The following PDE3A variants were observed in gnomAD, a reference collection of about 807,000 sequenced individuals.
PDE3A encodes phosphodiesterase 3A, also known as cGMP-inhibited 3',5'-cyclic phosphodiesterase 3A.
A neutral mutation model predicts 98.3 loss-of-function variants in PDE3A; 43 were observed. The observed-to-expected ratio is 0.44, with a 90% CI of 0.34 to 0.56. The LOEUF is 0.56. PDE3A is among the 20% of genes least tolerant of loss of function. The probability of loss-of-function intolerance (pLI) is 0.01; values close to 1 mark genes in which losing one functional copy is unlikely to be tolerated. For synonymous variants in PDE3A, 663 were observed against 567.9 expected, an observed-to-expected ratio of 1.17 and a Z score of -2.38; for missense variants, 1,427 against 1,440.7, an observed-to-expected ratio of 0.99 and a Z score of 0.15.
At chr12:20,432,345 T>C (rs1369545463) in intron 1 of PDE3A, among the ~76,000 whole-genome samples, 2 of 152,256 alleles carry the variant, frequency 1.3e-5, no homozygotes, top group African/African-American at 4.8e-5. Context: ...GTATACAGTT[T>C]TGGTTATGCA....
chr12:20,497,142 T>C (rs1020304206), intron 1 of PDE3A, among the ~76,000 whole-genome samples: 1 of 152,142 alleles, frequency 6.6e-6, no homozygotes, highest in African/African-American at 2.4e-5. Context: ...AGTTGTGCTC[T>C]AAAGAGGATG....
At chr12:20,551,567 A>G in intron 1 of PDE3A, 2 of 1,508,360 alleles carry the variant, frequency 1.3e-6, no homozygotes, top group Non-Finnish European at 1.8e-6. Flanking sequence ...GCGACCCCCG[A>G]GCGGGTCTGC....
At chr12:20,510,082 T>C (rs1348784061) in intron 1 of PDE3A, among the ~76,000 whole-genome samples, 2 of 152,036 alleles carry the variant, frequency 1.3e-5, no homozygotes, top group African/African-American at 4.8e-5. Flanking sequence ...ATGGTAGACA[T>C]TATTTCATTT....
At chr12:20,465,333 A>G (rs1031368102) in intron 1 of PDE3A, among the ~76,000 whole-genome samples, 22 of 151,886 alleles carry the variant, frequency 1.4e-4, no homozygotes, top group African/African-American at 5.3e-4. Context: ...TTTTCTACCA[A>G]CTCCCCAAGC....
chr12:20,450,045 A>G (rs1945037126), intron 1 of PDE3A: 3 of 627,134 alleles, frequency 4.8e-6, no homozygotes, highest in South Asian at 3.8e-5. Context: ...TCATTCCACA[A>G]TTGCATATTT....
At chr12:20,627,859 C>G (rs999128025) in intron 5 of PDE3A, among the ~76,000 whole-genome samples, 3 of 152,164 alleles carry the variant, frequency 2.0e-5, no homozygotes, top group Non-Finnish European at 4.4e-5. Context: ...CCTCGGTAAA[C>G]TTTCTACCAC....
At chr12:20,650,133 T>C (rs1024186470) in intron 13 of PDE3A, among the ~76,000 whole-genome samples, 1 of 152,202 alleles carries the variant, frequency 6.6e-6, no homozygotes, top group African/African-American at 2.4e-5. Context: ...CATTTATCCA[T>C]TGTGTTACAA....
intron 1 of PDE3A, among the ~76,000 whole-genome samples, chr12:20,546,141 A>T (rs549520970): frequency 6.6e-6 from 1 of 152,162 alleles, no homozygotes; most frequent in Admixed American, 6.5e-5. Flanking sequence ...AAAATTATGC[A>T]GGTGGGTAAG....
intron 2 of PDE3A, among the ~76,000 whole-genome samples, chr12:20,583,265 A>C (rs1006615099): frequency 1.3e-5 from 2 of 152,214 alleles, no homozygotes; most frequent in African/African-American, 4.8e-5. Context: ...ATTTTATTTT[A>C]AAAACTTTAT....
At chr12:20,533,732 C>A (rs868747006) in intron 1 of PDE3A, among the ~76,000 whole-genome samples, 2 of 150,586 alleles carry the variant, frequency 1.3e-5, no homozygotes, top group East Asian at 2.0e-4. Flanking sequence ...CGCCCCGCCC[C>A]CCTTTGGACT....
intron 1 of PDE3A, among the ~76,000 whole-genome samples, chr12:20,548,345 C>T (rs1942110979): frequency 6.6e-6 from 1 of 151,998 alleles, no homozygotes; most frequent in South Asian, 2.1e-4. Context: ...CTATATATCC[C>T]CAGACCTTCT....
chr12:20,533,606 C>T (rs1021459042), intron 1 of PDE3A, among the ~76,000 whole-genome samples: 6 of 151,696 alleles, frequency 4.0e-5, no homozygotes, highest in African/African-American at 9.7e-5. Flanking sequence ...CTCAGCCTCC[C>T]GAGTAGCTGG....
chr12:20,633,889 G>A (rs1944440270), intron 7 of PDE3A, 111 bp downstream of exon 7: 2 of 605,266 alleles, frequency 3.3e-6, no homozygotes, highest in South Asian at 2.1e-5. Flanking sequence ...GCTGGGAGAC[G>A]GGGTCTCATG....
intron 2 of PDE3A, among the ~76,000 whole-genome samples, chr12:20,563,025 G>A (rs1195037510): frequency 6.6e-6 from 1 of 152,144 alleles, no homozygotes; most frequent in Non-Finnish European, 1.5e-5. Flanking sequence ...ACAAGTCCTG[G>A]AGGCAACAAA....
chr12:20,542,042 T>C (rs1205589818), intron 1 of PDE3A, among the ~76,000 whole-genome samples: 3 of 152,086 alleles, frequency 2.0e-5, no homozygotes, highest in African/African-American at 7.2e-5. Flanking sequence ...CTAGTATATA[T>C]TGTAGTCCGT....
chr12:20,589,477 TAGA>T (rs1188803757), intron 2 of PDE3A, among the ~76,000 whole-genome samples: 1 of 152,028 alleles, frequency 6.6e-6, no homozygotes, highest in Non-Finnish European at 1.5e-5. Flanking sequence ...CTAACAGAAG[TAGA>T]AGGTTTGCTG....
At chr12:20,554,847 A>T (rs1371194891) in intron 1 of PDE3A, among the ~76,000 whole-genome samples, 1 of 152,212 alleles carries the variant, frequency 6.6e-6, no homozygotes, top group Non-Finnish European at 1.5e-5. Context: ...CATCAAATAC[A>T]AAATATTTTT....
chr12:20,521,374 G>A (rs1358019354), intron 1 of PDE3A, among the ~76,000 whole-genome samples: 2 of 152,088 alleles, frequency 1.3e-5, no homozygotes, highest in African/African-American at 4.8e-5. Context: ...CTTAGATGTT[G>A]GGAGTGTAAT....
chr12:20,507,680 T>C (rs1372924399), intron 1 of PDE3A, among the ~76,000 whole-genome samples: 2 of 152,170 alleles, frequency 1.3e-5, no homozygotes, highest in East Asian at 3.9e-4. Context: ...AACCTTCCGC[T>C]TACTCTGTCA....
Sources: allele counts gnomAD v4.1 joint callset (sites outside exome capture counted in the v4.1 genomes callset), GRCh38; gene constraint gnomAD v4.1.1; transcripts MANE v1.5; gene names NCBI Gene and HGNC (gene_info 2026-07-23, HGNC 2026-07-21).